The following DYM variants were observed in gnomAD, a reference collection of about 807,000 sequenced individuals.
DYM encodes the protein dymeclin, also known as dyggve-Melchior-Clausen syndrome protein.
Under a neutral mutation model 93.1 loss-of-function variants are expected in DYM, and 78 were observed. The observed-to-expected ratio is 0.84, with a 90% confidence interval of 0.70 to 1.01. DYM has a LOEUF of 1.01. Ranked by LOEUF, DYM falls within the 50% of genes least tolerant of loss-of-function variation. DYM has a pLI of 0.00. For missense variants in DYM, 789 were observed against 845.0 expected, an observed-to-expected ratio of 0.93 and a Z score of 0.82; for synonymous variants, 321 against 319.7, an observed-to-expected ratio of 1.00 and a Z score of -0.04.
In DYM at chr18:49,332,392, G is replaced by A. The variant is rs192348480; in HGVS notation, c.621-386C>T. 1.9e-4 allele frequency among the ~76,000 whole-genome samples: 29 copies of A among 152,218 alleles called. No homozygotes were observed. In the East Asian group the frequency reaches 4.2e-3, roughly 22 times the overall value. On this transcript the variant is annotated intron_variant, in intron 7 of 17. Coordinates refer to ENST00000675505, the MANE Select transcript of DYM (RefSeq NM_001353214.3). ...GCTGAGATTACAGGCGTGAGCCACC[G>A]TGCCCAGCCCACTTGAACTCTTGAA...
At chr18:49,046,546 AAC>A (rs1295375938) in intron 17 of DYM, among the ~76,000 whole-genome samples, 2 of 151,546 alleles carry the variant, frequency 1.3e-5, no homozygotes, top group Admixed American at 6.6e-5. Flanking sequence ...ACACAGACAC[AAC>A]ACACACAGAC....
intron 16 of DYM, among the ~76,000 whole-genome samples, chr18:49,112,585 C>A (rs2081521105): frequency 6.6e-6 from 1 of 152,120 alleles, no homozygotes; most frequent in African/African-American, 2.4e-5. Flanking sequence ...TAGTTTACCT[C>A]TTTTTCTCTT....
chr18:49,087,422 C>A (rs2078643526), intron 17 of DYM, among the ~76,000 whole-genome samples: 1 of 152,144 alleles, frequency 6.6e-6, no homozygotes, highest in Non-Finnish European at 1.5e-5. Context: ...AATAAAACTG[C>A]TTAAAAATTG....
At chr18:49,104,161 T>A (rs1217959510) in intron 16 of DYM, among the ~76,000 whole-genome samples, 3 of 152,118 alleles carry the variant, frequency 2.0e-5, no homozygotes, top group Admixed American at 6.5e-5. Context: ...GGTATTTTAT[T>A]CTCTTTGAAG....
intron 16 of DYM, among the ~76,000 whole-genome samples, chr18:49,101,744 T>C (rs2080165282): frequency 6.6e-6 from 1 of 152,194 alleles, no homozygotes; most frequent in African/African-American, 2.4e-5. Context: ...TACTGTATTT[T>C]AATCAATACA....
intron 2 of DYM, among the ~76,000 whole-genome samples, chr18:49,418,585 A>AAT (rs2148304080): frequency 6.6e-6 from 1 of 152,342 alleles, no homozygotes; most frequent in African/African-American, 2.4e-5. Context: ...AGGCCTTATT[A>AAT]GTATTTCTAA....
chr18:49,395,098 G>A lies in DYM; in HGVS notation c.141-3453C>T, dbSNP rs566590062. Among the ~76,000 whole-genome samples, 7 of 152,238 alleles carry A rather than the reference G, an allele frequency of 4.6e-5. No individual in the cohort carries two copies. In the South Asian group the frequency reaches 1.2e-3, roughly 27 times the overall value. On this transcript the variant is annotated intron_variant, in intron 2 of 17. Coordinates refer to ENST00000675505, the MANE Select transcript of DYM (RefSeq NM_001353214.3). ...GTCTGGGCAAGGACTTGTTGGATAA[G>A]ACCTCAAAAGCACAGAGAACAAAAG...
intron 15 of DYM, among the ~76,000 whole-genome samples, chr18:49,130,897 G>T (rs144967044): frequency 1.4e-4 from 22 of 152,302 alleles, no homozygotes; most frequent in Admixed American, 2.6e-4. Flanking sequence ...TAGGAACATA[G>T]GCCCTGGAGT....
Position 49,437,111 on chromosome 18 carries a change from A to G in DYM, c.-53-6664T>C, listed in dbSNP as rs559059206. On this transcript the variant is annotated intron_variant, in intron 1 of 17. Coordinates refer to ENST00000675505, the MANE Select transcript of DYM (RefSeq NM_001353214.3). ...TTGTATCAGTAATATTCATGGTACA[A>G]AATACAAAAGCTTCAAAGGATAGAC... Among the ~76,000 whole-genome samples, 22 of 152,296 alleles carry G rather than the reference A, an allele frequency of 1.4e-4. No homozygotes were observed. In the East Asian group the frequency reaches 2.7e-3, roughly 19 times the overall value.
intron 2 of DYM, among the ~76,000 whole-genome samples, chr18:49,420,690 C>T (rs113807736): frequency 6.6e-6 from 1 of 151,952 alleles, no homozygotes; most frequent in Non-Finnish European, 1.5e-5. Context: ...GTGGGTGCAG[C>T]CTGTGGACCG....
chr18:49,078,401 A>G (rs1264710888), intron 17 of DYM, among the ~76,000 whole-genome samples: 2 of 151,892 alleles, frequency 1.3e-5, no homozygotes, highest in Non-Finnish European at 2.9e-5. Flanking sequence ...ATATATATAT[A>G]TATATACTAC....
intron 6 of DYM, among the ~76,000 whole-genome samples, chr18:49,336,423 G>T (rs1210628678): frequency 6.6e-6 from 1 of 152,134 alleles, no homozygotes; most frequent in African/African-American, 2.4e-5. Flanking sequence ...AAATGTAGAA[G>T]AATGAAGAGT....
At chr18:49,140,403 A>G (rs2084352197) in intron 15 of DYM, among the ~76,000 whole-genome samples, 1 of 152,228 alleles carries the variant, frequency 6.6e-6, no homozygotes, top group African/African-American at 2.4e-5. Flanking sequence ...ATATAATGTA[A>G]GAGATACTTA....
intron 8 of DYM, among the ~76,000 whole-genome samples, chr18:49,295,336 G>A (rs1359820383): frequency 1.3e-5 from 2 of 152,078 alleles, no homozygotes; most frequent in South Asian, 2.1e-4. Context: ...GATTTAGCTG[G>A]GTAGGACTAC....
At chr18:49,347,458 G>A (rs886334137) in intron 6 of DYM, among the ~76,000 whole-genome samples, 12 of 152,186 alleles carry the variant, frequency 7.9e-5, no homozygotes, top group African/African-American at 2.9e-4. Flanking sequence ...AGAAAAAAAC[G>A]AAGTTACCCT....
At chr18:49,443,583 A>C (rs1390036744) in intron 1 of DYM, among the ~76,000 whole-genome samples, 1 of 152,238 alleles carries the variant, frequency 6.6e-6, no homozygotes, top group East Asian at 1.9e-4. Context: ...CTGTGCCAGC[A>C]AAATACAATA....
At chr18:49,402,276 T>G (rs2070941600) in intron 2 of DYM, among the ~76,000 whole-genome samples, 1 of 152,150 alleles carries the variant, frequency 6.6e-6, no homozygotes, top group Non-Finnish European at 1.5e-5. Context: ...GGAGTTTGGA[T>G]TCCATCCTAC....
intron 6 of DYM, among the ~76,000 whole-genome samples, chr18:49,338,674 G>T (rs2063849510): frequency 6.6e-6 from 1 of 152,134 alleles, no homozygotes; most frequent in South Asian, 2.1e-4. Flanking sequence ...AAAACACATT[G>T]TACAGAAGAT....
At chr18:49,217,099 T>G (rs2093097759) in intron 13 of DYM, among the ~76,000 whole-genome samples, 1 of 151,948 alleles carries the variant, frequency 6.6e-6, no homozygotes, top group East Asian at 1.9e-4. Flanking sequence ...GAGAACTACA[T>G]GAAGAATGCA....
Sources: gnomAD v4.1 joint callset for allele counts (sites outside exome capture counted in the v4.1 genomes callset) on GRCh38, gnomAD v4.1.1 for gene constraint, MANE v1.5 for transcripts, NCBI Gene and HGNC (gene_info 2026-07-23, HGNC 2026-07-21) for gene names.